The following DDX10 variants were observed in gnomAD, a reference collection of about 807,000 sequenced individuals.
DDX10 encodes the protein DEAD-box helicase 10.
In DDX10, 74 loss-of-function variants were observed where a neutral mutation model predicts 104.3. The ratio of observed to expected loss-of-function variants is 0.71; its 90% confidence interval spans 0.59 to 0.86. The LOEUF is 0.86. Among genes scored for constraint, DDX10 ranks in the 40% least tolerant of loss-of-function variants. The probability of loss-of-function intolerance (pLI) is 0.00; values close to 1 mark genes in which losing one functional copy is unlikely to be tolerated. For missense variants in DDX10, 952 were observed against 1,040.0 expected, an observed-to-expected ratio of 0.92 and a Z score of 1.16; for synonymous variants, 351 against 353.4, an observed-to-expected ratio of 0.99 and a Z score of 0.08.
intron 13 of DDX10, among the ~76,000 whole-genome samples, chr11:108,793,763 T>G (rs577039876): frequency 6.6e-6 from 1 of 152,260 alleles, no homozygotes; most frequent in South Asian, 2.1e-4. Context: ...AGTTATTCCT[T>G]CTATCTAACC....
At chr11:108,900,990 G>A (rs751083580) in intron 16 of DDX10, among the ~76,000 whole-genome samples, 17 of 152,030 alleles carry the variant, frequency 1.1e-4, no homozygotes, top group Admixed American at 3.9e-4. Flanking sequence ...TACCCTGAGC[G>A]TAAGTGAAAT....
chr11:108,851,160 T>C (rs1352793435), intron 15 of DDX10, among the ~76,000 whole-genome samples: 1 of 151,982 alleles, frequency 6.6e-6, no homozygotes, highest in African/African-American at 2.4e-5. Context: ...GTGATCTTCG[T>C]AGAATAACAT....
chr11:108,940,396 G>A lies in DDX10; in HGVS notation c.2601G>A (p.Val867=). The change falls in exon 18 of 18, where the codon GTG becomes GTA. Residue 867 remains valine, a synonymous_variant. Transcript: ENST00000322536. Reference sequence around the variant, plus strand: ...CTTTAGCAGAGGATGAAGAGCTGGTGTTACATCTGCTAAGAAGTCAAAGCT... The same window carrying A: ...CTTTAGCAGAGGATGAAGAGCTGGTATTACATCTGCTAAGAAGTCAAAGCT... ...GLSLAEDEEL[V]LHLLRSQS is the part of the protein sequence containing the mutation. The A allele has an allele frequency of 6.2e-7, 1 of 1,613,826 alleles. No individual in the cohort carries two copies. Among genetic ancestry groups the A allele is most frequent in the Admixed American group, 1.7e-5 (1 of 59,982 alleles).
At chr11:108,718,663 A>C (rs2094294517) in intron 11 of DDX10, among the ~76,000 whole-genome samples, 1 of 152,226 alleles carries the variant, frequency 6.6e-6, no homozygotes, top group South Asian at 2.1e-4. Flanking sequence ...TGTTGAAATA[A>C]ATGATGTGAT....
chr11:108,737,142 C>T (rs2094319380), intron 13 of DDX10, among the ~76,000 whole-genome samples: 1 of 152,112 alleles, frequency 6.6e-6, no homozygotes, highest in Non-Finnish European at 1.5e-5. Context: ...ACACTTTCAT[C>T]CCTAGTATCA....
At position 108,745,135 on chromosome 11, in the gene DDX10, C is replaced by T. The variant is rs1243861550; in HGVS notation, c.1965+21673C>T. Among the ~76,000 whole-genome samples the T allele has an allele frequency of 7.0e-5, 9 of 128,292 alleles. No individual in the cohort carries two copies. The Admixed American group carries it at 7.1e-4, about 10-fold the overall frequency. 84.2% of individuals were successfully genotyped at this position (128,292 alleles called of 152,430 possible). A position where few individuals can be genotyped will look rare whatever the true frequency, so the allele number is the denominator to read the frequency against. On this transcript the variant is annotated intron_variant, in intron 13 of 17. Coordinates refer to ENST00000322536, the MANE Select transcript of DDX10 (RefSeq NM_004398.4). ...CCTTCCCCTTCCTCTTCCCCTTCTC[C>T]CTTCTCCTTCCACTCACTCCCCTTT...
At chr11:108,917,766 A>C in intron 16 of DDX10, 107 bp from the exon 17 acceptor site, 1 of 1,107,814 alleles carries the variant, frequency 9.0e-7, no homozygotes, top group Non-Finnish European at 1.3e-6. Context: ...GAGAAAGCTA[A>C]TCTGTGGATG....
chr11:108,808,342 A>AT (rs894764069), intron 13 of DDX10, among the ~76,000 whole-genome samples: 20 of 136,510 alleles, frequency 1.5e-4, no homozygotes, highest in South Asian at 9.5e-4. Context: ...TTTAGGATTG[A>AT]TTTTTTTTGG....
chr11:108,925,654 C>T (rs955821968), intron 17 of DDX10, among the ~76,000 whole-genome samples: 1 of 152,110 alleles, frequency 6.6e-6, no homozygotes, highest in African/African-American at 2.4e-5. Context: ...TGTCTACCTC[C>T]CTTTTAAAAT....
At chr11:108,667,381 G>A (rs961577730) in intron 1 of DDX10, among the ~76,000 whole-genome samples, 1 of 152,128 alleles carries the variant, frequency 6.6e-6, no homozygotes, top group African/African-American at 2.4e-5. Context: ...TTTTACTGCC[G>A]ATTAGAACCC....
chr11:108,719,104 GTT>G (rs36015980), intron 11 of DDX10, among the ~76,000 whole-genome samples: 29 of 129,508 alleles, frequency 2.2e-4, no homozygotes, highest in African/African-American at 5.3e-4. Context: ...TATGAAGATA[GTT>G]TTTTTTTTTT....
intron 9 of DDX10, among the ~76,000 whole-genome samples, chr11:108,701,248 G>A (rs1349328146): frequency 1.3e-5 from 2 of 152,046 alleles, no homozygotes; most frequent in Non-Finnish European, 2.9e-5. Context: ...AGAACAGTTG[G>A]ACTCAGATCC....
At chr11:108,774,666 AC>A (rs912002333) in intron 13 of DDX10, among the ~76,000 whole-genome samples, 9 of 151,782 alleles carry the variant, frequency 5.9e-5, no homozygotes, top group Non-Finnish European at 1.2e-4. Context: ...AAACCTTTTA[AC>A]CCTATAGTCT....
At chr11:108,936,527 A>T (rs185878471) in intron 17 of DDX10, among the ~76,000 whole-genome samples, 226 of 152,220 alleles carry the variant, frequency 1.5e-3, no homozygotes, top group African/African-American at 5.0e-3. Flanking sequence ...AAAGAAAATT[A>T]AAAAAAATCT....
chr11:108,735,720 A>AAG (rs397692323), intron 13 of DDX10, among the ~76,000 whole-genome samples: 1 of 151,144 alleles, frequency 6.6e-6, no homozygotes, highest in Non-Finnish European at 1.5e-5. Context: ...AAAAAAAAAA[A>AAG]GTATTCCAGC....
rs774121341 is a variant in DDX10 at position 108,665,115 on chromosome 11, T to A, written c.-39T>A. On this transcript the variant is annotated 5_prime_UTR_variant, in exon 1 of 18. Coordinates refer to ENST00000322536, the MANE Select transcript of DDX10 (RefSeq NM_004398.4). ...CGTGAGTCTGGCCTTAGGTGTCTCGTGTCTGGGGTTGATCCGAGCTGTCGC... is the reference window on the plus strand; with the variant it reads ...CGTGAGTCTGGCCTTAGGTGTCTCGAGTCTGGGGTTGATCCGAGCTGTCGC... The A allele has an allele frequency of 6.4e-7, 1 of 1,570,482 alleles. No homozygotes were observed. Among genetic ancestry groups the A allele is most frequent in the East Asian group, 2.3e-5 (1 of 43,576 alleles).
intron 13 of DDX10, among the ~76,000 whole-genome samples, chr11:108,775,630 G>A (rs1305825741): frequency 2.0e-5 from 3 of 152,130 alleles, no homozygotes; most frequent in Non-Finnish European, 2.9e-5. Context: ...TTAAAATTTA[G>A]ATATAGCTAT....
intron 9 of DDX10, among the ~76,000 whole-genome samples, chr11:108,698,258 T>A (rs2094262617): frequency 6.6e-6 from 1 of 152,216 alleles, no homozygotes; most frequent in East Asian, 1.9e-4. Context: ...TGAATTGAAA[T>A]AATAAAAGTA....
At chr11:108,780,483 C>A (rs778020795) in intron 13 of DDX10, among the ~76,000 whole-genome samples, 1 of 152,042 alleles carries the variant, frequency 6.6e-6, no homozygotes, top group Non-Finnish European at 1.5e-5. Context: ...CAGAAAACAT[C>A]TTTGCTTGGT....
Sources: gnomAD v4.1 joint callset for allele counts (sites outside exome capture counted in the v4.1 genomes callset) on GRCh38, gnomAD v4.1.1 for gene constraint, MANE v1.5 for transcripts, NCBI Gene and HGNC (gene_info 2026-07-23, HGNC 2026-07-21) for gene names.